OXR1: variants seen among roughly 807,000 people sequenced by gnomAD.
The protein encoded by OXR1 is oxidation resistance 1, also known as oxidation resistance protein 1.
In OXR1, 41 loss-of-function variants were observed where a neutral mutation model predicts 104.6. The observed-to-expected ratio is 0.39, with a 90% CI of 0.31 to 0.51. The LOEUF (loss-of-function observed/expected upper bound fraction) is 0.51, where lower values mean the gene tolerates loss of function less well. OXR1 is among the 20% of genes least tolerant of loss of function. The pLI is 0.77. For synonymous variants in OXR1, 348 were observed against 348.4 expected (o/e 1.00, Z 0.01); for missense variants, 955 against 1,031.9 (o/e 0.93, Z 1.02).
intron 16 of OXR1, among the ~76,000 whole-genome samples, chr8:106,746,193 G>C (rs1320073653): frequency 2.0e-5 from 2 of 101,258 alleles, no homozygotes; most frequent in African/African-American, 7.8e-5. Flanking sequence ...TTAAATAACT[G>C]TGATGGAATA....
chr8:106,461,588 A>G (rs1285969578), intron 2 of OXR1, among the ~76,000 whole-genome samples: 1 of 152,028 alleles, frequency 6.6e-6, no homozygotes, highest in Admixed American at 6.6e-5. Context: ...TAAATAAAGG[A>G]ATTTTGGAGA....
chr8:106,654,580 T>C (rs2131036872), intron 3 of OXR1, among the ~76,000 whole-genome samples: 1 of 152,218 alleles, frequency 6.6e-6, no homozygotes, highest in East Asian at 1.9e-4. Context: ...ATTAGACCTA[T>C]ATTAGATCAA....
At chr8:106,409,538 C>A (rs1818376164) in intron 2 of OXR1, among the ~76,000 whole-genome samples, 1 of 152,096 alleles carries the variant, frequency 6.6e-6, no homozygotes, top group Admixed American at 6.6e-5. Context: ...ACTGAACACA[C>A]AAAGCCAATG....
rs1490486813 is a variant in OXR1, at chr8:106,577,386, T to TA, written c.220+58247_220+58248insA. The stretch of plus-strand genomic sequence containing the variant: ...CCACTATGCCCAGCTAACTTTTTTT[T>TA]TTTTTTTTTTTTTTTTTTTTGAGAC... On this transcript the variant is annotated intron_variant, in intron 3 of 16. Coordinates refer to ENST00000517566, the MANE Select transcript of OXR1 (RefSeq NM_001198533.2). 4.1e-4 allele frequency among the ~76,000 whole-genome samples: 53 copies of TA among 128,342 alleles called. 1 individual carries two copies. The highest frequency in any genetic ancestry group is 1.6e-3 in the African/African-American group (51 of 32,660). 84.2% of individuals were successfully genotyped at this position (128,342 alleles called of 152,430 possible).
intron 3 of OXR1, among the ~76,000 whole-genome samples, chr8:106,666,730 A>C (rs1162202867): frequency 6.6e-6 from 1 of 152,174 alleles, no homozygotes; most frequent in Non-Finnish European, 1.5e-5. Context: ...ATCAGACTTC[A>C]CCTGGACAGT....
intron 2 of OXR1, among the ~76,000 whole-genome samples, chr8:106,499,138 C>T (rs1205132904): frequency 2.2e-4 from 3 of 13,426 alleles, no homozygotes; most frequent in East Asian, 1.1e-3. Flanking sequence ...GTCCGCAGTC[C>T]GGCCTGGGCG....
chr8:106,719,116 T>C (rs937730925), intron 11 of OXR1, among the ~76,000 whole-genome samples: 2 of 152,200 alleles, frequency 1.3e-5, no homozygotes, highest in Non-Finnish European at 2.9e-5. Context: ...AGGAAGTCAA[T>C]AAGTATATCC....
At chr8:106,272,129 A>G (rs1161847539) in intron 1 of OXR1, 1 of 152,204 alleles carries the variant, frequency 6.6e-6, no homozygotes, top group Non-Finnish European at 1.5e-5. Flanking sequence ...TACTAGAATA[A>G]ACACGTCCTA....
chr8:106,742,576 C>T (rs1835012759), intron 15 of OXR1: 1 of 287,614 alleles, frequency 3.5e-6, no homozygotes, highest in South Asian at 5.5e-5. Flanking sequence ...ACCAAAATAG[C>T]ATGGTACTGG....
intron 2 of OXR1, among the ~76,000 whole-genome samples, chr8:106,488,408 G>A (rs958320155): frequency 6.8e-6 from 1 of 147,514 alleles, no homozygotes; most frequent in Non-Finnish European, 1.5e-5. Context: ...CTTTTGCTGT[G>A]CAGAAGCTTT....
intron 2 of OXR1, 45 bp downstream of exon 2, chr8:106,359,681 C>T (rs1408026991): frequency 1.4e-6 from 2 of 1,409,932 alleles, no homozygotes; most frequent in Non-Finnish European, 2.0e-6. Context: ...GAAAATATAT[C>T]ATGAGCAGTA....
intron 2 of OXR1, among the ~76,000 whole-genome samples, chr8:106,410,032 A>G (rs1368900504): frequency 6.6e-6 from 1 of 152,066 alleles, no homozygotes; most frequent in Non-Finnish European, 1.5e-5. Context: ...ACTTTTTTAA[A>G]GAAACTACCA....
At chr8:106,686,517 A>G (rs772931717) in intron 6 of OXR1, among the ~76,000 whole-genome samples, 6 of 152,094 alleles carry the variant, frequency 3.9e-5, no homozygotes, top group Non-Finnish European at 7.4e-5. Flanking sequence ...CTATATTTCT[A>G]TATTTCTAAT....
At chr8:106,424,789 A>AT (rs565809418) in intron 2 of OXR1, among the ~76,000 whole-genome samples, 3 of 151,970 alleles carry the variant, frequency 2.0e-5, no homozygotes, top group Non-Finnish European at 2.9e-5. Flanking sequence ...ACTATAATTT[A>AT]TTTTTTTAAT....
chr8:106,673,784 C>G (rs1421063871), intron 3 of OXR1, among the ~76,000 whole-genome samples: 1 of 152,140 alleles, frequency 6.6e-6, no homozygotes, highest in Non-Finnish European at 1.5e-5. Context: ...CTAAAAAGGG[C>G]CAACATACAG....
intron 2 of OXR1, among the ~76,000 whole-genome samples, chr8:106,431,480 G>A (rs897392933): frequency 3.3e-5 from 5 of 152,068 alleles, no homozygotes; most frequent in African/African-American, 4.8e-5. Flanking sequence ...GGAATAAAAC[G>A]AATGAGTTAT....
chr8:106,526,553 T>G (rs1390816473), intron 3 of OXR1, among the ~76,000 whole-genome samples: 1 of 152,244 alleles, frequency 6.6e-6, no homozygotes, highest in Middle Eastern at 3.2e-3. Flanking sequence ...GTTTTTTGTT[T>G]GTTTTTTGAG....
At chr8:106,688,142 A>G (rs1162226901) in intron 6 of OXR1, among the ~76,000 whole-genome samples, 2 of 152,154 alleles carry the variant, frequency 1.3e-5, no homozygotes, top group Non-Finnish European at 2.9e-5. Context: ...AAGTTCACCC[A>G]TTATGCTAAT....
chr8:106,701,724 T>C (rs964175137), intron 7 of OXR1, among the ~76,000 whole-genome samples: 2 of 152,212 alleles, frequency 1.3e-5, no homozygotes, highest in Non-Finnish European at 2.9e-5. Flanking sequence ...AAATCCTAGC[T>C]GTTTAGGACA....
Sources: allele counts gnomAD v4.1 joint callset (sites outside exome capture counted in the v4.1 genomes callset), GRCh38; gene constraint gnomAD v4.1.1; transcripts MANE v1.5; gene names NCBI Gene and HGNC (gene_info 2026-07-23, HGNC 2026-07-21).